The following GNAQ variants were observed in gnomAD, a reference collection of about 807,000 sequenced individuals.
GNAQ encodes the protein guanine nucleotide-binding protein G(q) subunit alpha.
GNAQ carries 8 observed loss-of-function variants against 43.9 expected under a neutral mutation model. The ratio of observed to expected loss-of-function variants is 0.18; its 90% confidence interval spans 0.11 to 0.33. The LOEUF is 0.33. Among genes scored for constraint, GNAQ ranks in the 10% least tolerant of loss-of-function variants. The pLI is 1.00. For synonymous variants in GNAQ, 155 were observed against 170.7 expected (o/e 0.91, Z 0.71); for missense variants, 158 against 450.8 (o/e 0.35, Z 5.88).
intron 2 of GNAQ, among the ~76,000 whole-genome samples, chr9:77,888,225 A>G (rs993466066): frequency 1.3e-5 from 2 of 152,238 alleles, no homozygotes; most frequent in South Asian, 2.1e-4. Flanking sequence ...AAATATAAAT[A>G]AAAGCTCATT....
At chr9:77,829,663 T>C (rs1442233191) in intron 2 of GNAQ, among the ~76,000 whole-genome samples, 1 of 152,218 alleles carries the variant, frequency 6.6e-6, no homozygotes, top group Non-Finnish European at 1.5e-5. Context: ...GGAGGGCTGA[T>C]GTAGCTCTTG....
intron 5 of GNAQ, among the ~76,000 whole-genome samples, chr9:77,771,025 C>T (rs115484983): frequency 6.4e-4 from 97 of 152,078 alleles, no homozygotes; most frequent in African/African-American, 2.0e-3. Context: ...TTTAGTAAGT[C>T]GGTTTTTGGA....
Position 77,816,604 on chromosome 9 carries a change from T to C in GNAQ, c.322-834A>G, listed in dbSNP as rs1450461008. ...GTTTATGGAATGCAATATATATATA[T>C]ACACACACATATATATATACACACA... On this transcript the variant is annotated intron_variant, in intron 2 of 6. Transcript: ENST00000286548. Among the ~76,000 whole-genome samples the C allele has an allele frequency of 5.6e-4, 85 of 151,722 alleles. 1 individual carries two copies. Among genetic ancestry groups the C allele is most frequent in the East Asian group, 1.9e-4 (1 of 5,180 alleles).
chr9:77,833,275 T>C (rs1827331224), intron 2 of GNAQ, among the ~76,000 whole-genome samples: 1 of 152,186 alleles, frequency 6.6e-6, no homozygotes, highest in African/African-American at 2.4e-5. Flanking sequence ...TGGCCTATTT[T>C]AGTTTTTAAA....
intron 1 of GNAQ, among the ~76,000 whole-genome samples, chr9:77,968,046 T>C (rs1823191483): frequency 6.6e-6 from 1 of 152,164 alleles, no homozygotes; most frequent in South Asian, 2.1e-4. Flanking sequence ...GATAGGAATA[T>C]TCTGCAATTA....
At chr9:77,857,106 A>C (rs2117956640) in intron 2 of GNAQ, among the ~76,000 whole-genome samples, 1 of 152,348 alleles carries the variant, frequency 6.6e-6, no homozygotes, top group East Asian at 1.9e-4. Context: ...GTTCAGCAAG[A>C]CATGCTAGGC....
intron 1 of GNAQ, among the ~76,000 whole-genome samples, chr9:77,995,468 G>GT (rs1172686201): frequency 6.6e-6 from 1 of 152,108 alleles, no homozygotes; most frequent in African/African-American, 2.4e-5. Context: ...AGGTGAGAGG[G>GT]TGAGGGCAGA....
At chr9:77,913,643 C>A (rs1233099498) in intron 2 of GNAQ, among the ~76,000 whole-genome samples, 2 of 152,118 alleles carry the variant, frequency 1.3e-5, no homozygotes, top group Non-Finnish European at 2.9e-5. Context: ...AAACCAGAGA[C>A]AAAGGAATAT....
At chr9:78,026,010 G>T (rs1823974994) in intron 1 of GNAQ, among the ~76,000 whole-genome samples, 1 of 152,038 alleles carries the variant, frequency 6.6e-6, no homozygotes, top group Non-Finnish European at 1.5e-5. Flanking sequence ...GTTTTTAATA[G>T]GCACTTCTGA....
intron 1 of GNAQ, among the ~76,000 whole-genome samples, chr9:77,932,704 C>A (rs1829170038): frequency 6.6e-6 from 1 of 152,090 alleles, no homozygotes; most frequent in Admixed American, 6.5e-5. Context: ...GTTGCAATGG[C>A]CAAGTCACCT....
intron 1 of GNAQ, among the ~76,000 whole-genome samples, chr9:78,027,760 A>G (rs1021291874): frequency 3.5e-4 from 54 of 152,200 alleles, no homozygotes; most frequent in Admixed American, 1.4e-3. Flanking sequence ...TCAAAAAAAA[A>G]AAAAAAAAGA....
chr9:77,968,942 G>C (rs976489303), intron 1 of GNAQ, among the ~76,000 whole-genome samples: 1 of 152,230 alleles, frequency 6.6e-6, no homozygotes, highest in Admixed American at 6.5e-5. Context: ...ACCCAGGTGA[G>C]GGCACCTTAA....
rs1341332107 is a variant in GNAQ, at chr9:77,716,760, T to G, written c.*4563A>C. Reference sequence around the variant, plus strand: ...ATGTTTTCATAACATGTAAATGTCATTTGCTATATTGGGTTGGAATCATAC... The same window carrying G: ...ATGTTTTCATAACATGTAAATGTCAGTTGCTATATTGGGTTGGAATCATAC... On this transcript the variant is annotated 3_prime_UTR_variant, in exon 7 of 7. Coordinates refer to ENST00000286548, the MANE Select transcript of GNAQ (RefSeq NM_002072.5). The G allele has an allele frequency of 4.3e-6, 1 of 232,852 alleles. No homozygotes were observed. The highest frequency in any genetic ancestry group is 2.2e-5 in the African/African-American group (1 of 45,336). The allele number at this position is 232,852 out of a possible 1,614,324, so 14.4% of individuals were successfully genotyped here.
At chr9:77,902,795 G>A (rs1828634582) in intron 2 of GNAQ, among the ~76,000 whole-genome samples, 1 of 152,304 alleles carries the variant, frequency 6.6e-6, no homozygotes, top group African/African-American at 2.4e-5. Context: ...GTCCTAGAGA[G>A]TGTGCAACTG....
At chr9:77,824,956 G>A (rs1827170775) in intron 2 of GNAQ, among the ~76,000 whole-genome samples, 1 of 152,174 alleles carries the variant, frequency 6.6e-6, no homozygotes, top group Non-Finnish European at 1.5e-5. Flanking sequence ...TTCACAGAGT[G>A]ATATAAAAAT....
intron 1 of GNAQ, among the ~76,000 whole-genome samples, chr9:77,923,268 A>C (rs1480156615): frequency 6.6e-6 from 1 of 152,196 alleles, no homozygotes; most frequent in South Asian, 2.1e-4. Flanking sequence ...GGAATCACGT[A>C]ATTCAGGAAA....
At chr9:77,831,235 T>G (rs1827293306) in intron 2 of GNAQ, among the ~76,000 whole-genome samples, 1 of 152,226 alleles carries the variant, frequency 6.6e-6, no homozygotes, top group South Asian at 2.1e-4. Flanking sequence ...AAAAAAGAAT[T>G]AAAATGTTTT....
intron 2 of GNAQ, among the ~76,000 whole-genome samples, chr9:77,820,247 T>C (rs1270265848): frequency 6.6e-6 from 1 of 151,994 alleles, no homozygotes; most frequent in African/African-American, 2.4e-5. Flanking sequence ...GATCTCTGAG[T>C]TCTCAAATTT....
intron 2 of GNAQ, among the ~76,000 whole-genome samples, chr9:77,818,494 A>T (rs898779301): frequency 6.6e-6 from 1 of 151,480 alleles, no homozygotes; most frequent in African/African-American, 2.4e-5. Flanking sequence ...ATTTTCTAGT[A>T]TGTTAGAGTA....
Sources: gnomAD v4.1 joint callset for allele counts (sites outside exome capture counted in the v4.1 genomes callset) on GRCh38, gnomAD v4.1.1 for gene constraint, MANE v1.5 for transcripts, NCBI Gene and HGNC (gene_info 2026-07-23, HGNC 2026-07-21) for gene names.